Variants in MDGA2 observed in about 807,000 individuals in gnomAD.
MDGA2 encodes MAM domain-containing glycosylphosphatidylinositol anchor protein 2.
MDGA2 carries 40 observed loss-of-function variants against 117.8 expected under a neutral mutation model. The ratio of observed to expected loss-of-function variants is 0.34; its 90% CI spans 0.26 to 0.44. MDGA2 has a LOEUF of 0.44. Ranked by LOEUF, MDGA2 falls within the 20% of genes least tolerant of loss-of-function variation. The pLI is 1.00. For synonymous variants in MDGA2, 452 were observed against 439.0 expected (o/e 1.03, Z -0.37); for missense variants, 1,123 against 1,250.6 (o/e 0.90, Z 1.54).
At chr14:47,553,289 T>G (rs1895620643) in intron 1 of MDGA2, among the ~76,000 whole-genome samples, 1 of 152,210 alleles carries the variant, frequency 6.6e-6, no homozygotes, top group Non-Finnish European at 1.5e-5. Flanking sequence ...ACAAGAAAAG[T>G]GTTCGGCACA....
rs200483071 is a variant in MDGA2, at chr14:47,382,467, C to G, written c.281-80917G>C. ...TACAATCTACCCATCTGACAAAGGG[C>G]TAATATCCAGAATCTACAAATGACT... On this transcript the variant is annotated intron_variant, in intron 1 of 16. Transcript: ENST00000399232. 2.6e-5 allele frequency among the ~76,000 whole-genome samples: 4 copies of G among 152,132 alleles called. No homozygotes were observed. In the East Asian group the frequency reaches 5.8e-4, roughly 22 times the overall value.
chr14:46,934,514 C>A (rs1884707767), intron 9 of MDGA2, among the ~76,000 whole-genome samples: 1 of 152,238 alleles, frequency 6.6e-6, no homozygotes, highest in African/African-American at 2.4e-5. Flanking sequence ...ATCATAATTA[C>A]TGAACTGACA....
At chr14:47,349,424 T>C (rs1364508960) in intron 1 of MDGA2, among the ~76,000 whole-genome samples, 2 of 152,232 alleles carry the variant, frequency 1.3e-5, no homozygotes, top group East Asian at 1.9e-4. Context: ...CAAATATTTA[T>C]AGTTAAGATA....
At chr14:47,580,753 A>C (rs1371918635) in intron 1 of MDGA2, among the ~76,000 whole-genome samples, 3 of 151,924 alleles carry the variant, frequency 2.0e-5, no homozygotes, top group Non-Finnish European at 4.4e-5. Flanking sequence ...GCTTTACATC[A>C]GAACAAGGCA....
chr14:46,963,836 T>A (rs1373218833), intron 8 of MDGA2, among the ~76,000 whole-genome samples: 2 of 152,232 alleles, frequency 1.3e-5, no homozygotes, highest in Non-Finnish European at 2.9e-5. Context: ...TATTACAGTA[T>A]CTGTCATTAT....
intron 3 of MDGA2, among the ~76,000 whole-genome samples, chr14:47,156,578 C>A (rs2139254772): frequency 6.6e-6 from 1 of 152,270 alleles, no homozygotes; most frequent in South Asian, 2.1e-4. Context: ...TTAAAAAAAT[C>A]AATTAATCTA....
intron 1 of MDGA2, among the ~76,000 whole-genome samples, chr14:47,634,468 C>A (rs1594954507): frequency 6.6e-6 from 1 of 151,968 alleles, no homozygotes; most frequent in Admixed American, 6.6e-5. Flanking sequence ...TTATATGTGT[C>A]CATTTAAAAA....
At chr14:47,337,717 C>A (rs1325949041) in intron 1 of MDGA2, among the ~76,000 whole-genome samples, 1 of 151,660 alleles carries the variant, frequency 6.6e-6, no homozygotes, top group Non-Finnish European at 1.5e-5. Context: ...CAAATGATGG[C>A]TATTAATAAT....
At chr14:47,488,570 T>A (rs1419214078) in intron 1 of MDGA2, among the ~76,000 whole-genome samples, 1 of 152,028 alleles carries the variant, frequency 6.6e-6, no homozygotes, top group Admixed American at 6.6e-5. Context: ...AAAGAGCAAA[T>A]GAAAAATGAG....
intron 1 of MDGA2, among the ~76,000 whole-genome samples, chr14:47,624,638 C>A (rs1052683190): frequency 2.0e-5 from 3 of 152,038 alleles, no homozygotes; most frequent in Admixed American, 6.6e-5. Context: ...AAGCTCCAGG[C>A]TGTAAGATAG....
At chr14:47,461,193 G>A (rs1893475730) in intron 1 of MDGA2, among the ~76,000 whole-genome samples, 1 of 151,540 alleles carries the variant, frequency 6.6e-6, no homozygotes, top group East Asian at 1.9e-4. Context: ...TAACCCTAGA[G>A]TTTCCTAATT....
intron 2 of MDGA2, among the ~76,000 whole-genome samples, chr14:47,225,690 A>G (rs1485898124): frequency 6.6e-6 from 1 of 151,936 alleles, no homozygotes; most frequent in African/African-American, 2.4e-5. Context: ...GAGGGATAGC[A>G]TTAGGAGATA....
intron 1 of MDGA2, among the ~76,000 whole-genome samples, chr14:47,600,690 C>T (rs1896631338): frequency 6.7e-6 from 1 of 149,476 alleles, no homozygotes; most frequent in African/African-American, 2.5e-5. Context: ...TCCTGGTAAA[C>T]TACACGAGTT....
At chr14:47,171,224 G>T (rs753841153) in intron 3 of MDGA2, among the ~76,000 whole-genome samples, 5 of 151,918 alleles carry the variant, frequency 3.3e-5, no homozygotes, top group South Asian at 4.2e-4. Flanking sequence ...AATACTGAAG[G>T]TTCTAAATAT....
chr14:46,909,619 AGG>A (rs1883624796), intron 10 of MDGA2, among the ~76,000 whole-genome samples: 1 of 152,230 alleles, frequency 6.6e-6, no homozygotes, highest in African/African-American at 2.4e-5. Flanking sequence ...ATATGAGGCA[AGG>A]ATAATCAAAA....
At chr14:47,171,598 A>G (rs1407859372) in intron 3 of MDGA2, among the ~76,000 whole-genome samples, 1 of 152,244 alleles carries the variant, frequency 6.6e-6, no homozygotes, top group African/African-American at 2.4e-5. Context: ...TACATTTTGA[A>G]TGCATGCTGC....
chr14:47,586,085 G>C (rs187667104), intron 1 of MDGA2, among the ~76,000 whole-genome samples: 3 of 151,964 alleles, frequency 2.0e-5, no homozygotes, highest in African/African-American at 7.2e-5. Flanking sequence ...GATGTAAATA[G>C]TATTTATTAT....
At chr14:47,462,053 A>C (rs540217099) in intron 1 of MDGA2, among the ~76,000 whole-genome samples, 77 of 152,324 alleles carry the variant, frequency 5.1e-4, no homozygotes, top group Non-Finnish European at 5.6e-4. Context: ...CCATTAAAAG[A>C]AGCTTAATAC....
intron 2 of MDGA2, among the ~76,000 whole-genome samples, chr14:47,226,026 C>T (rs540611997): frequency 1.6e-4 from 24 of 151,878 alleles, no homozygotes; most frequent in Admixed American, 3.3e-4. Flanking sequence ...CAGTGGCTCA[C>T]GCCTGTTAAC....
Sources: gnomAD v4.1 joint callset for allele counts (sites outside exome capture counted in the v4.1 genomes callset) on GRCh38, gnomAD v4.1.1 for gene constraint, MANE v1.5 for transcripts, NCBI Gene and HGNC (gene_info 2026-07-23, HGNC 2026-07-21) for gene names.